FOCAD: variants seen among roughly 807,000 people sequenced by gnomAD.
FOCAD encodes focadhesin, also known as KIAA1797.
Under a neutral mutation model 225.6 loss-of-function variants are expected in FOCAD, and 198 were observed. The ratio of observed to expected loss-of-function variants is 0.88; its 90% CI spans 0.78 to 0.99. FOCAD has a LOEUF of 0.99. FOCAD is among the 50% of genes least tolerant of loss of function. FOCAD has a pLI of 0.00. For synonymous variants in FOCAD, 897 were observed against 755.0 expected (o/e 1.19, Z -3.08); for missense variants, 2,713 against 2,123.6 (o/e 1.28, Z -5.46).
intron 6 of FOCAD, among the ~76,000 whole-genome samples, chr9:20,763,265 C>G (rs1014917246): frequency 3.9e-5 from 6 of 152,110 alleles, no homozygotes; most frequent in African/African-American, 1.2e-4. Context: ...AAACAGAAAT[C>G]CGTGGCCTCA....
chr9:20,815,216 C>G (rs1233393965), intron 11 of FOCAD, among the ~76,000 whole-genome samples: 2 of 146,094 alleles, frequency 1.4e-5, no homozygotes, highest in Non-Finnish European at 3.0e-5. Flanking sequence ...CTTGCTGCAC[C>G]CTCTGCCTCC....
chr9:20,733,435 C>T (rs372555874), intron 4 of FOCAD, among the ~76,000 whole-genome samples: 19 of 152,012 alleles, frequency 1.2e-4, no homozygotes, highest in East Asian at 1.2e-3. Flanking sequence ...ACACATGTGC[C>T]ATGCTGGTGT....
intron 4 of FOCAD, among the ~76,000 whole-genome samples, chr9:20,738,565 T>C (rs1827338439): frequency 6.6e-6 from 1 of 152,202 alleles, no homozygotes; most frequent in African/African-American, 2.4e-5. Flanking sequence ...ACATGTGACA[T>C]ATGTCATGAA....
At chr9:20,878,037 T>G (rs1185376900) in intron 19 of FOCAD, among the ~76,000 whole-genome samples, 2 of 152,200 alleles carry the variant, frequency 1.3e-5, no homozygotes, top group Non-Finnish European at 2.9e-5. Context: ...CTACTTATTG[T>G]GGAAGTTTCA....
intron 37 of FOCAD, among the ~76,000 whole-genome samples, chr9:20,981,147 G>A (rs1430780245): frequency 6.6e-6 from 1 of 152,116 alleles, no homozygotes; most frequent in Admixed American, 6.5e-5. Context: ...CTGAAACCTT[G>A]AAAACATCCA....
chr9:20,747,226 T>C (rs1828117294), intron 5 of FOCAD, among the ~76,000 whole-genome samples: 1 of 152,088 alleles, frequency 6.6e-6, no homozygotes. Flanking sequence ...AGATAGCTAT[T>C]TGGTTTAGAG....
intron 25 of FOCAD, among the ~76,000 whole-genome samples, chr9:20,925,164 C>T (rs116132620): frequency 1.3e-3 from 201 of 152,100 alleles, no homozygotes; most frequent in African/African-American, 4.6e-3. Context: ...AGAATCTTAC[C>T]GATAAGAAAG....
At chr9:20,823,429 T>G (rs570475990) in intron 15 of FOCAD, among the ~76,000 whole-genome samples, 2 of 152,068 alleles carry the variant, frequency 1.3e-5, no homozygotes, top group Non-Finnish European at 2.9e-5. Context: ...TATAGTTGCT[T>G]CTTAATTTTG....
At chr9:20,874,065 G>A (rs1587469845) in intron 18 of FOCAD, 1 of 152,008 alleles carries the variant, frequency 6.6e-6, no homozygotes, top group Admixed American at 6.6e-5. Context: ...ACTAATCAAA[G>A]AGCAGCCACA....
chr9:20,822,880 T>C, intron 14 of FOCAD, 109 bp from the exon 15 acceptor site: 1 of 985,078 alleles, frequency 1.0e-6, no homozygotes, highest in South Asian at 2.7e-5. Context: ...CACCATTTAG[T>C]GGCACAAGAG....
intron 40 of FOCAD, 113 bp downstream of exon 40, chr9:20,986,578 GT>G: frequency 1.1e-6 from 1 of 937,670 alleles, no homozygotes; most frequent in Non-Finnish European, 1.5e-6. Flanking sequence ...ATTGACACAG[GT>G]TAGGCCTTCT....
intron 6 of FOCAD, among the ~76,000 whole-genome samples, chr9:20,758,689 C>A (rs200517832): frequency 6.6e-6 from 1 of 152,146 alleles, no homozygotes; most frequent in East Asian, 1.9e-4. Flanking sequence ...TACAAAGGAC[C>A]TGAACTCATC....
At chr9:20,712,398 G>A (rs1326985475) in intron 1 of FOCAD, among the ~76,000 whole-genome samples, 3 of 152,112 alleles carry the variant, frequency 2.0e-5, no homozygotes, top group Non-Finnish European at 4.4e-5. Context: ...GGTGGCTCAC[G>A]CCTGTAATCC....
intron 2 of FOCAD, among the ~76,000 whole-genome samples, chr9:20,677,616 A>C (rs1252418904): frequency 4.6e-5 from 7 of 151,534 alleles, no homozygotes; most frequent in Admixed American, 4.6e-4. Context: ...AAAAATGCTC[A>C]ACATCAGTAA....
At chr9:20,866,201 C>CT (rs529633110) in intron 17 of FOCAD, among the ~76,000 whole-genome samples, 81 of 152,094 alleles carry the variant, frequency 5.3e-4, no homozygotes, top group Admixed American at 2.4e-3. Context: ...CTTGGTGAAT[C>CT]TGACAGATGG....
intron 15 of FOCAD, among the ~76,000 whole-genome samples, chr9:20,855,596 G>A (rs1319367453): frequency 2.0e-5 from 3 of 151,548 alleles, no homozygotes; most frequent in Non-Finnish European, 4.4e-5. Context: ...ATTTATCTGT[G>A]TTTGAAACAT....
intron 21 of FOCAD, among the ~76,000 whole-genome samples, chr9:20,901,737 T>C (rs1040855957): frequency 1.8e-4 from 28 of 151,936 alleles, no homozygotes; most frequent in African/African-American, 6.3e-4. Flanking sequence ...CCTGTTGTGA[T>C]AGTATTTCAA....
chr9:20,967,599 T>G (rs573877517), intron 35 of FOCAD, among the ~76,000 whole-genome samples: 1 of 152,210 alleles, frequency 6.6e-6, no homozygotes, highest in Admixed American at 6.5e-5. Flanking sequence ...AAGCTTTCAG[T>G]TTTTCACCAT....
intron 11 of FOCAD, among the ~76,000 whole-genome samples, chr9:20,799,441 G>A (rs1256743033): frequency 1.3e-5 from 2 of 152,164 alleles, no homozygotes; most frequent in Non-Finnish European, 2.9e-5. Flanking sequence ...AATGTTGACA[G>A]TGGGGTGTTA....
Sources: allele counts gnomAD v4.1 joint callset (sites outside exome capture counted in the v4.1 genomes callset), GRCh38; gene constraint gnomAD v4.1.1; transcripts MANE v1.5; gene names NCBI Gene and HGNC (gene_info 2026-07-23, HGNC 2026-07-21).